The following RASAL2 variants were observed in gnomAD, a reference collection of about 807,000 sequenced individuals.
RASAL2 encodes ras GTPase-activating protein nGAP.
In RASAL2, 58 loss-of-function variants were observed where a neutral mutation model predicts 128.9. The observed-to-expected ratio is 0.45, with a 90% CI of 0.36 to 0.56. The LOEUF (loss-of-function observed/expected upper bound fraction) is 0.56. RASAL2 is among the 20% of genes least tolerant of loss of function. The pLI is 0.00. For missense variants in RASAL2, 1,360 were observed against 1,601.6 expected (o/e 0.85, Z 2.57); for synonymous variants, 561 against 580.8 (o/e 0.97, Z 0.49).
At chr1:178,358,375 A>G (rs1245883286) in intron 3 of RASAL2, among the ~76,000 whole-genome samples, 1 of 152,102 alleles carries the variant, frequency 6.6e-6, no homozygotes, top group Non-Finnish European at 1.5e-5. Context: ...AAGAAGGTAA[A>G]AAGACCAGTT....
chr1:178,248,460 C>T (rs1030621611), intron 1 of RASAL2, among the ~76,000 whole-genome samples: 2 of 152,046 alleles, frequency 1.3e-5, no homozygotes, highest in Non-Finnish European at 2.9e-5. Flanking sequence ...AGATAGGTCT[C>T]CTGAATACAG....
intron 1 of RASAL2, among the ~76,000 whole-genome samples, chr1:178,264,386 T>G (rs1025186254): frequency 1.3e-5 from 2 of 152,202 alleles, no homozygotes; most frequent in African/African-American, 4.8e-5. Flanking sequence ...ATTCTTTGTT[T>G]GGAATTGCCT....
chr1:178,418,785 G>A (rs1375118334), intron 4 of RASAL2, among the ~76,000 whole-genome samples: 2 of 152,116 alleles, frequency 1.3e-5, no homozygotes, highest in African/African-American at 4.8e-5. Context: ...GTTAGATATG[G>A]TCACGTGATT....
chr1:178,206,942 A>G (rs1344309203), intron 1 of RASAL2, among the ~76,000 whole-genome samples: 1 of 152,144 alleles, frequency 6.6e-6, no homozygotes, highest in East Asian at 1.9e-4. Context: ...TGGGAGGCCA[A>G]GGCAGTGGGA....
chr1:178,164,481 TTGTGTG>T (rs35942778), intron 1 of RASAL2, among the ~76,000 whole-genome samples: 3 of 144,996 alleles, frequency 2.1e-5, no homozygotes, highest in South Asian at 2.2e-4. Context: ...TAATTAGCAT[TTGTGTG>T]TGTGTGTGTG....
At chr1:178,104,677 T>G (rs1457647392) in intron 1 of RASAL2, among the ~76,000 whole-genome samples, 1 of 152,218 alleles carries the variant, frequency 6.6e-6, no homozygotes, top group African/African-American at 2.4e-5. Flanking sequence ...TTCAATGTAT[T>G]AAAATCTTTT....
chr1:178,235,563 AAC>A (rs1664194797), intron 1 of RASAL2, among the ~76,000 whole-genome samples: 1 of 152,092 alleles, frequency 6.6e-6, no homozygotes, highest in South Asian at 2.1e-4. Context: ...ACATTTATAA[AAC>A]AGTTACTCCG....
At chr1:178,445,113 G>A (rs1676909130) in intron 8 of RASAL2, among the ~76,000 whole-genome samples, 1 of 150,346 alleles carries the variant, frequency 6.7e-6, no homozygotes, top group African/African-American at 2.5e-5. Flanking sequence ...GCAAGGGTGG[G>A]AGCAGAGCAG....
chr1:178,389,751 C>A (rs1285196520), intron 3 of RASAL2, among the ~76,000 whole-genome samples: 1 of 152,110 alleles, frequency 6.6e-6, no homozygotes, highest in African/African-American at 2.4e-5. Context: ...CCATTTTATT[C>A]TATTAACTCC....
chr1:178,186,168 G>T (rs1234219485), intron 1 of RASAL2, among the ~76,000 whole-genome samples: 1 of 150,060 alleles, frequency 6.7e-6, no homozygotes, highest in Non-Finnish European at 1.5e-5. Context: ...ACAAAGTGTT[G>T]TTTGTAACAT....
chr1:178,359,065 G>A (rs1670972376), intron 3 of RASAL2, among the ~76,000 whole-genome samples: 1 of 152,146 alleles, frequency 6.6e-6, no homozygotes, highest in Non-Finnish European at 1.5e-5. Flanking sequence ...TATAAAACAT[G>A]CTCTTTATGT....
intron 1 of RASAL2, among the ~76,000 whole-genome samples, chr1:178,217,593 AT>A (rs1358314094): frequency 6.6e-6 from 1 of 152,192 alleles, no homozygotes; most frequent in Non-Finnish European, 1.5e-5. Flanking sequence ...AGTCACATGA[AT>A]TTTTTTGTTT....
In RASAL2 at chr1:178,296,155, A is replaced by G. The variant is rs6680327; in HGVS notation, c.331-3837A>G. Among the ~76,000 whole-genome samples the G allele has an allele frequency of 2.4e-5, 3 of 127,344 alleles. No homozygotes were observed. In the South Asian group the frequency reaches 6.4e-4, roughly 27 times the overall value. The allele number at this position is 127,344 out of a possible 152,430, so 83.5% of individuals were successfully genotyped here. On this transcript the variant is annotated intron_variant, in intron 2 of 17. Coordinates refer to ENST00000367649, the MANE Select transcript of RASAL2 (RefSeq NM_170692.4). ...TATATATGTGTGTGTATATATGTGT[A>G]TATATATGTGTGTGTGTGTGCATAT...
rs551400148 is a variant in RASAL2, at chr1:178,344,661, C to T, written c.457+44543C>T. ...TTCATGGTCATTCTTGTTTTCAGTTCCCTGTATATCAGTTGTAGTGAGAAG... is the reference window on the plus strand; with the variant it reads ...TTCATGGTCATTCTTGTTTTCAGTTTCCTGTATATCAGTTGTAGTGAGAAG... On this transcript the variant is annotated intron_variant, in intron 3 of 17. Transcript: ENST00000367649. Among the ~76,000 whole-genome samples, 112 of 152,060 alleles carry T rather than the reference C, an allele frequency of 7.4e-4. 1 individual carries two copies. Among genetic ancestry groups the T allele is most frequent in the Admixed American group, 1.6e-3 (24 of 15,274 alleles).
intron 1 of RASAL2, among the ~76,000 whole-genome samples, chr1:178,226,666 G>T (rs1042561317): frequency 2.0e-4 from 31 of 152,174 alleles, no homozygotes; most frequent in African/African-American, 7.2e-4. Flanking sequence ...TGTATCCAGG[G>T]CTGGACACGG....
At chr1:178,264,713 T>C (rs576181145) in intron 1 of RASAL2, among the ~76,000 whole-genome samples, 3 of 152,332 alleles carry the variant, frequency 2.0e-5, no homozygotes, top group East Asian at 3.9e-4. Flanking sequence ...GGCATGTGGA[T>C]GTATTCACCA....
intron 1 of RASAL2, among the ~76,000 whole-genome samples, chr1:178,236,617 A>G (rs1664254485): frequency 6.6e-6 from 1 of 152,200 alleles, no homozygotes; most frequent in Non-Finnish European, 1.5e-5. Flanking sequence ...AAAAACAGAA[A>G]GGGTTTGCTT....
chr1:178,462,057 C>T (rs1397183), intron 14 of RASAL2, among the ~76,000 whole-genome samples: 10,039 of 152,108 alleles, frequency 0.066, 1,063 homozygotes, highest in African/African-American at 0.22. Flanking sequence ...TTGTCTTTTT[C>T]ATTATCTTTG....
intron 1 of RASAL2, among the ~76,000 whole-genome samples, chr1:178,161,966 A>G (rs1399158964): frequency 6.7e-6 from 1 of 150,016 alleles, no homozygotes; most frequent in Non-Finnish European, 1.5e-5. Flanking sequence ...ATTTTTATTT[A>G]TTTATTTATT....
Sources: allele counts gnomAD v4.1 joint callset (sites outside exome capture counted in the v4.1 genomes callset), GRCh38; gene constraint gnomAD v4.1.1; transcripts MANE v1.5; gene names NCBI Gene and HGNC (gene_info 2026-07-23, HGNC 2026-07-21).